The following OLFML2B variants were observed in gnomAD, a reference collection of about 807,000 sequenced individuals.
OLFML2B encodes the protein olfactomedin like 2B.
Under a neutral mutation model 74.9 loss-of-function variants are expected in OLFML2B, and 57 were observed. The ratio of observed to expected loss-of-function variants is 0.76; its 90% CI spans 0.61 to 0.95. The LOEUF is 0.95. Ranked by LOEUF, OLFML2B falls within the 40% of genes least tolerant of loss-of-function variation. The pLI is 0.00. For missense variants in OLFML2B, 986 were observed against 970.6 expected, an observed-to-expected ratio of 1.02 and a Z score of -0.21; for synonymous variants, 388 against 405.8, an observed-to-expected ratio of 0.96 and a Z score of 0.53.
chr1:161,983,714 A>G lies in OLFML2B; in HGVS notation c.2214T>C (p.Asn738=). ...PKDRLLYAWD[N]GHQVTYHVIF... is the part of the protein sequence containing the mutation. ...TGACATGGTAAGTGACCTGGTGGCCATTGTCCCAGGCATAGAGCAGGCGGT... is the reference window on the plus strand; with the variant it reads ...TGACATGGTAAGTGACCTGGTGGCCGTTGTCCCAGGCATAGAGCAGGCGGT... Residue 738 remains asparagine (N), a synonymous_variant, in exon 8 of 8, where the codon AAT becomes AAC. Coordinates refer to ENST00000294794, the MANE Select transcript of OLFML2B (RefSeq NM_015441.3). 2 of 1,612,664 alleles carry G rather than the reference A, an allele frequency of 1.2e-6. No homozygotes were observed. The highest frequency in any genetic ancestry group is 2.2e-5 in the South Asian group (2 of 91,062).
intron 4 of OLFML2B, among the ~76,000 whole-genome samples, chr1:162,005,151 T>A (rs1031922974): frequency 3.9e-5 from 6 of 152,242 alleles, no homozygotes; most frequent in Non-Finnish European, 1.5e-5. Context: ...AATAACCCAA[T>A]ACATTAAATG....
At chr1:162,009,079 C>A (rs573403123) in intron 3 of OLFML2B, among the ~76,000 whole-genome samples, 1 of 152,152 alleles carries the variant, frequency 6.6e-6, no homozygotes, top group South Asian at 2.1e-4. Context: ...AGGGTTCAAG[C>A]GTGAGCAAGG....
intron 4 of OLFML2B, among the ~76,000 whole-genome samples, chr1:162,005,897 C>G (rs1690211623): frequency 1.0e-5 from 1 of 97,040 alleles, no homozygotes; most frequent in Non-Finnish European, 1.8e-5. Flanking sequence ...AGAGCTGGAA[C>G]CTATCAAAAA....
At position 161,984,016 on chromosome 1, in the gene OLFML2B, C is replaced by T. The variant is rs760981470; in HGVS notation, c.1912G>A (p.Asp638Asn). The T allele has an allele frequency of 2.9e-5, 47 of 1,614,196 alleles. No homozygotes were observed. The highest frequency in any genetic ancestry group is 3.9e-5 in the Non-Finnish European group (46 of 1,180,048). Residue 638 changes from aspartate to asparagine, a missense_variant, in exon 8 of 8, where the codon GAT becomes AAT. Asp to Asn is a conservative substitution (Grantham distance 23). Transcript: ENST00000294794. ...GLWLIYPALD[D>N]EGFSQEVIVL... ...ATGACCTCCTGGCTGAAGCCCTCAT[C>T]GTCCAGGGCCGGGTAGATGAGCCAT... is the stretch of plus-strand genomic sequence containing the variant.
intron 2 of OLFML2B, 75 bp from the exon 3 acceptor site, chr1:162,017,582 A>C (rs567191526): frequency 5.6e-6 from 6 of 1,070,734 alleles, no homozygotes; most frequent in Admixed American, 4.9e-5. Flanking sequence ...TCAGATCTGC[A>C]TACTGGGGGC....
intron 3 of OLFML2B, among the ~76,000 whole-genome samples, chr1:162,012,194 A>G (rs72713805): frequency 0.036 from 5,525 of 152,256 alleles, 130 homozygotes; most frequent in Middle Eastern, 0.071. Flanking sequence ...CCTCGGAAAG[A>G]GCAGATTTGA....
intron 3 of OLFML2B, among the ~76,000 whole-genome samples, chr1:162,011,473 A>G (rs1231201798): frequency 1.3e-5 from 2 of 152,204 alleles, no homozygotes; most frequent in Non-Finnish European, 2.9e-5. Flanking sequence ...GCTGTCTCCT[A>G]GCCCCTGGTA....
rs540066145 is a variant in OLFML2B, at chr1:162,019,835, A to G, written c.438+84T>C. 18 of 1,516,716 alleles carry G rather than the reference A, an allele frequency of 1.2e-5. No individual in the cohort carries two copies. The South Asian group carries it at 1.8e-4, about 15-fold the overall frequency. The allele number at this position is 1,516,716 out of a possible 1,614,324, so 94.0% of individuals were successfully genotyped here. A position where few individuals can be genotyped will look rare whatever the true frequency, so the allele number is the denominator to read the frequency against. ...AGGCCTGACCTTCTTCAAAGGGCTT[A>G]GAATCTTCAACCATGGCCTTACCAG... On this transcript the variant is annotated intron_variant, in intron 2 of 7. Transcript: ENST00000294794.
chr1:162,004,602 C>T (rs1690169724), intron 4 of OLFML2B, among the ~76,000 whole-genome samples: 1 of 152,130 alleles, frequency 6.6e-6, no homozygotes, highest in Admixed American at 6.5e-5. Flanking sequence ...TGCCCAAGAT[C>T]CCCAAACCCA....
chr1:162,020,653 A>G (rs542156869), intron 1 of OLFML2B, among the ~76,000 whole-genome samples: 4 of 151,966 alleles, frequency 2.6e-5, no homozygotes, highest in African/African-American at 7.2e-5. Flanking sequence ...CAGCCTTCCA[A>G]GTAGCTGGGA....
rs758090148 is a variant in OLFML2B at position 162,020,117 on chromosome 1, C to A, written c.240G>T (p.Val80=). 6.2e-7 allele frequency: 1 copy of A among 1,614,088 alleles called. No homozygotes were observed. The highest frequency in any genetic ancestry group is 1.3e-5 in the African/African-American group (1 of 74,930). The part of the protein sequence containing the change: ...SEGSDCQCKC[V]VRPLGRDACQ... ...AGGCATCCCGGCCCAGGGGTCTCAC[C>A]ACACACTTGCACTGACAGTCCGAGC... is the stretch of plus-strand genomic sequence containing the variant. Residue 80 remains valine (V), a synonymous_variant, in exon 2 of 8, where the codon GTG becomes GTT. Coordinates refer to ENST00000294794, the MANE Select transcript of OLFML2B (RefSeq NM_015441.3).
chr1:161,996,210 T>C (rs1389769280), intron 6 of OLFML2B, among the ~76,000 whole-genome samples: 2 of 152,152 alleles, frequency 1.3e-5, no homozygotes, highest in African/African-American at 4.8e-5. Flanking sequence ...GAATCTTTAT[T>C]TACAATAGCA....
At chr1:162,019,558 T>C (rs1283516333) in intron 2 of OLFML2B, among the ~76,000 whole-genome samples, 1 of 152,156 alleles carries the variant, frequency 6.6e-6, no homozygotes, top group East Asian at 1.9e-4. Flanking sequence ...GGCCAAAGCC[T>C]TACTCGCATT....
Position 161,983,724 on chromosome 1 carries a change from G to T in OLFML2B, c.2204C>A (p.Ala735Asp). ...AGTGACCTGGTGGCCATTGTCCCAG[G>T]CATAGAGCAGGCGGTCCTTGGGGTT... is the stretch of plus-strand genomic sequence containing the variant. ...DYNPKDRLLY[A>D]WDNGHQVTYH... The change falls in exon 8 of 8, where the codon GCC becomes GAC. Residue 735 changes from alanine (A) to aspartate (D), a missense_variant. Transcript: ENST00000294794. The T allele has an allele frequency of 6.2e-7, 1 of 1,613,930 alleles. No homozygotes were observed. The highest frequency in any genetic ancestry group is 1.3e-5 in the African/African-American group (1 of 74,958).
At chr1:162,023,212 C>T (rs545550944) in intron 1 of OLFML2B, 45 bp downstream of exon 1, 8 of 1,444,366 alleles carry the variant, frequency 5.5e-6, no homozygotes, top group South Asian at 1.5e-5. Context: ...TGGCTCTCAC[C>T]ACCATCCAGG....
intron 1 of OLFML2B, 147 bp from the exon 2 acceptor site, chr1:162,020,329 GA>G: frequency 1.1e-6 from 1 of 870,794 alleles, no homozygotes. Context: ...AGGTCACTGA[GA>G]TGCAGTTTGC....
At chr1:162,002,764 G>A (rs957254685) in intron 4 of OLFML2B, among the ~76,000 whole-genome samples, 2 of 152,206 alleles carry the variant, frequency 1.3e-5, no homozygotes, top group Non-Finnish European at 1.5e-5. Flanking sequence ...GAAACAGGCC[G>A]ACATGCTCGG....
Position 162,023,329 on chromosome 1 carries a change from C to A in OLFML2B, c.102G>T (p.Ala34=), listed in dbSNP as rs374334296. ...CGTCCTCCGCAGGCGCCACTGTCTG[C>A]GCATCTGGGGGCTCGCTTGTCCCTG... ...VLTGTSEPPD[A]QTVAPAEDET... is the part of the protein sequence containing the mutation. The change falls in exon 1 of 8, where the codon GCG becomes GCT. Residue 34 remains alanine (A), a synonymous_variant. Transcript: ENST00000294794. The A allele has an allele frequency of 1.2e-6, 2 of 1,606,938 alleles. No individual in the cohort carries two copies. The highest frequency in any genetic ancestry group is 1.7e-6 in the Non-Finnish European group (2 of 1,175,596).
intron 1 of OLFML2B, among the ~76,000 whole-genome samples, chr1:162,020,395 G>A (rs2101981690): frequency 1.3e-5 from 2 of 152,262 alleles, no homozygotes; most frequent in South Asian, 4.1e-4. Flanking sequence ...CGTTTGTCTT[G>A]GAAAGCTGTG....
Sources: allele counts gnomAD v4.1 joint callset (sites outside exome capture counted in the v4.1 genomes callset), GRCh38; gene constraint gnomAD v4.1.1; transcripts MANE v1.5; gene names NCBI Gene and HGNC (gene_info 2026-07-23, HGNC 2026-07-21).